The following GPC6 variants were observed in gnomAD, a reference collection of about 807,000 sequenced individuals.
GPC6 encodes glypican 6.
In GPC6, 14 loss-of-function variants were observed where a neutral mutation model predicts 55.2. That is an observed-to-expected ratio of 0.25 (90% CI 0.17 to 0.40). GPC6 has a LOEUF of 0.40. Among genes scored for constraint, GPC6 ranks in the 10% least tolerant of loss-of-function variants. GPC6 has a pLI of 1.00. For synonymous variants in GPC6, 278 were observed against 259.6 expected (o/e 1.07, Z -0.68); for missense variants, 641 against 708.5 (o/e 0.90, Z 1.08).
At chr13:93,261,727 A>G (rs1877154058) in intron 1 of GPC6, among the ~76,000 whole-genome samples, 1 of 152,106 alleles carries the variant, frequency 6.6e-6, no homozygotes, top group Non-Finnish European at 1.5e-5. Context: ...TTTCACATGT[A>G]TTTTGCCCAG....
intron 6 of GPC6, among the ~76,000 whole-genome samples, chr13:94,335,452 A>C (rs966855500): frequency 6.6e-6 from 1 of 152,168 alleles, no homozygotes; most frequent in Non-Finnish European, 1.5e-5. Context: ...ACATATTCAA[A>C]AAGGTCCAGA....
intron 1 of GPC6, among the ~76,000 whole-genome samples, chr13:93,491,770 A>T (rs1448406683): frequency 7.0e-5 from 9 of 128,798 alleles, no homozygotes; most frequent in Admixed American, 1.6e-4. Context: ...CCATTTATTA[A>T]ATAGGGAATC....
rs530498780 is a variant in GPC6, at chr13:93,985,903, G to A, written c.712-41826G>A. 3.3e-5 allele frequency among the ~76,000 whole-genome samples: 5 copies of A among 152,138 alleles called. No homozygotes were observed. In the South Asian group the frequency reaches 1.0e-3, roughly 32 times the overall value. ...TACCAAGAAAGAATGGGGTTAGAAA[G>A]TGAGGACAACCGGTTCTCTATGTCT... On this transcript the variant is annotated intron_variant, in intron 3 of 8. Coordinates refer to ENST00000377047, the MANE Select transcript of GPC6 (RefSeq NM_005708.5).
At chr13:93,383,502 C>G (rs1875272135) in intron 1 of GPC6, among the ~76,000 whole-genome samples, 1 of 152,150 alleles carries the variant, frequency 6.6e-6, no homozygotes, top group Admixed American at 6.5e-5. Flanking sequence ...CAGGCGTGAC[C>G]CATTGTGCCC....
chr13:93,626,711 A>C (rs1879215815), intron 2 of GPC6, among the ~76,000 whole-genome samples: 1 of 152,106 alleles, frequency 6.6e-6, no homozygotes, highest in East Asian at 1.9e-4. Context: ...CTGAGGCAGA[A>C]GAATTGCTGG....
intron 3 of GPC6, among the ~76,000 whole-genome samples, chr13:93,848,499 G>C (rs907402640): frequency 2.0e-5 from 3 of 151,784 alleles, no homozygotes; most frequent in African/African-American, 7.3e-5. Context: ...CCTTCTTTTG[G>C]GCATCCTACG....
rs1011721729 is a variant in GPC6 at position 94,406,736 on chromosome 13, A to G, written c.*3519A>G. 1 of 152,130 alleles carries G rather than the reference A, an allele frequency of 6.6e-6. No individual in the cohort carries two copies. The highest frequency in any genetic ancestry group is 6.5e-5 in the Admixed American group (1 of 15,270). The allele number at this position is 152,130 out of a possible 1,614,324, so 9.4% of individuals were successfully genotyped here. On this transcript the variant is annotated 3_prime_UTR_variant, in exon 9 of 9. Transcript: ENST00000377047. ...TTCGGCTACAGACTGAACACGAACT[A>G]AAGTCCCTAAGGAGGAAAAAACCTT...
At chr13:93,618,962 T>G (rs1878839367) in intron 2 of GPC6, among the ~76,000 whole-genome samples, 1 of 152,156 alleles carries the variant, frequency 6.6e-6, no homozygotes, top group Admixed American at 6.6e-5. Context: ...TGGTATGGCC[T>G]ATTGCTCTTA....
At position 93,479,785 on chromosome 13, in the gene GPC6, G is replaced by C. The variant is rs373901982; in HGVS notation, c.161-65478G>C. 2.3e-3 allele frequency among the ~76,000 whole-genome samples: 350 copies of C among 152,318 alleles called. 3 individuals are homozygous for C. The highest frequency in any genetic ancestry group is 8.0e-3 in the African/African-American group (332 of 41,574). On this transcript the variant is annotated intron_variant, in intron 1 of 8. Coordinates refer to ENST00000377047, the MANE Select transcript of GPC6 (RefSeq NM_005708.5). The stretch of plus-strand genomic sequence containing the variant: ...TTGTGATTTGGGGATCATTATAAGA[G>C]AGAGTTCATATAGAAGGCTGAAAAT...
chr13:93,419,878 G>C (rs1876862025), intron 1 of GPC6, among the ~76,000 whole-genome samples: 1 of 152,090 alleles, frequency 6.6e-6, no homozygotes, highest in Non-Finnish European at 1.5e-5. Context: ...CTATGAAATT[G>C]GTCTGCCCTA....
intron 2 of GPC6, among the ~76,000 whole-genome samples, chr13:93,676,122 AAAAAATATATATATATATATAT>A (rs1321808762): frequency 3.3e-4 from 4 of 12,160 alleles, no homozygotes; most frequent in East Asian, 6.8e-4. Context: ...AAAAAAAAAA[AAAAAATATATATATATATATAT>A]ATATATATAT....
chr13:93,302,763 A>G (rs1474010006), intron 1 of GPC6, among the ~76,000 whole-genome samples: 2 of 152,214 alleles, frequency 1.3e-5, no homozygotes, highest in Non-Finnish European at 2.9e-5. Flanking sequence ...TAGTGGAGTC[A>G]AGGCATAGCA....
chr13:94,142,370 C>T (rs1030786735), intron 4 of GPC6, among the ~76,000 whole-genome samples: 21 of 152,186 alleles, frequency 1.4e-4, no homozygotes, highest in African/African-American at 4.8e-4. Flanking sequence ...GATAGCTTAT[C>T]ACCATACACA....
chr13:94,268,197 A>T (rs1891875199), intron 4 of GPC6, among the ~76,000 whole-genome samples: 1 of 152,230 alleles, frequency 6.6e-6, no homozygotes, highest in Admixed American at 6.5e-5. Context: ...TAACTACAGA[A>T]TTCAGAGCTT....
intron 1 of GPC6, among the ~76,000 whole-genome samples, chr13:93,273,657 C>CA: frequency 6.6e-6 from 1 of 152,048 alleles, no homozygotes; most frequent in East Asian, 2.0e-4. Context: ...GACTCCGTCT[C>CA]AAAAAACAAA....
intron 2 of GPC6, among the ~76,000 whole-genome samples, chr13:93,581,367 C>G (rs1876927824): frequency 6.6e-6 from 1 of 152,048 alleles, no homozygotes; most frequent in South Asian, 2.1e-4. Flanking sequence ...AGAATTAGAG[C>G]CCCAAATAAT....
intron 2 of GPC6, among the ~76,000 whole-genome samples, chr13:93,822,850 A>AT (rs200990036): frequency 8.1e-5 from 12 of 147,588 alleles, no homozygotes; most frequent in African/African-American, 2.7e-4. Context: ...TATTATTATT[A>AT]TTATTTTATT....
At chr13:94,300,212 G>A (rs1275806855) in intron 5 of GPC6, among the ~76,000 whole-genome samples, 1 of 152,072 alleles carries the variant, frequency 6.6e-6, no homozygotes, top group Non-Finnish European at 1.5e-5. Flanking sequence ...TGCTTTTCAG[G>A]TTACCAGTAG....
rs562157335 is a variant in GPC6 at position 93,821,418 on chromosome 13, C to G, written c.320-8736C>G. The stretch of plus-strand genomic sequence containing the variant: ...AAAATACTCATATAGGAAAGGTAAG[C>G]AGATTGTCTGCTGGGGACGTTCAGT... On this transcript the variant is annotated intron_variant, in intron 2 of 8. Coordinates refer to ENST00000377047, the MANE Select transcript of GPC6 (RefSeq NM_005708.5). Among the ~76,000 whole-genome samples, 3 of 152,162 alleles carry G rather than the reference C, an allele frequency of 2.0e-5. No individual in the cohort carries two copies. The East Asian group carries it at 5.8e-4, about 29-fold the overall frequency.
Sources: gnomAD v4.1 joint callset for allele counts (sites outside exome capture counted in the v4.1 genomes callset) on GRCh38, gnomAD v4.1.1 for gene constraint, MANE v1.5 for transcripts, NCBI Gene and HGNC (gene_info 2026-07-23, HGNC 2026-07-21) for gene names.